SLC22A4: variants seen among roughly 807,000 people sequenced by gnomAD.
SLC22A4 encodes the protein solute carrier family 22 member 4.
SLC22A4 carries 39 observed loss-of-function variants against 56.6 expected under a neutral mutation model. The observed-to-expected ratio is 0.69, with a 90% CI of 0.53 to 0.90. The LOEUF (loss-of-function observed/expected upper bound fraction) is 0.90, where lower values mean the gene tolerates loss of function less well. Among genes scored for constraint, SLC22A4 ranks in the 40% least tolerant of loss-of-function variants. The pLI is 0.00. For synonymous variants in SLC22A4, 241 were observed against 281.4 expected (o/e 0.86, Z 1.44); for missense variants, 594 against 696.5 (o/e 0.85, Z 1.66).
chr5:132,335,990 T>C lies in SLC22A4; in HGVS notation c.1434T>C (p.Phe478=), dbSNP rs1335649376. 1 of 1,614,018 alleles carries C rather than the reference T, an allele frequency of 6.2e-7. No homozygotes were observed. The change falls in exon 8 of 10, where the codon TTT becomes TTC. Residue 478 remains phenylalanine, a synonymous_variant. Transcript: ENST00000200652. Reference sequence around the variant, plus strand: ...TGGGCAGCATCATTGCCCCCTACTTTGTTTACCTCGGTGAGCTGCATCTTG... The same window carrying C: ...TGGGCAGCATCATTGCCCCCTACTTCGTTTACCTCGGTGAGCTGCATCTTG... ...SRVGSIIAPY[F]VYLGAYNRML...
intron 1 of SLC22A4, among the ~76,000 whole-genome samples, chr5:132,304,632 GA>G (rs1749983201): frequency 6.6e-6 from 1 of 152,060 alleles, no homozygotes; most frequent in Non-Finnish European, 1.5e-5. Context: ...AGAAGAAGAA[GA>G]AAGATCAGGG....
intron 4 of SLC22A4, chr5:132,324,646 G>A (rs1179260727): frequency 8.6e-6 from 4 of 464,484 alleles, no homozygotes; most frequent in Non-Finnish European, 1.8e-5. Context: ...CTTGCAGGTG[G>A]GTCTTCCCAA....
chr5:132,308,864 C>A (rs1390828812), intron 1 of SLC22A4, among the ~76,000 whole-genome samples: 1 of 152,144 alleles, frequency 6.6e-6, no homozygotes, highest in East Asian at 1.9e-4. Flanking sequence ...GAAAGCACAC[C>A]CCCAAAGCAA....
chr5:132,336,705 A>G (rs1219810568), intron 8 of SLC22A4, among the ~76,000 whole-genome samples: 1 of 152,222 alleles, frequency 6.6e-6, no homozygotes, highest in Non-Finnish European at 1.5e-5. Context: ...ACATTTTAAA[A>G]TAAGTATATG....
intron 3 of SLC22A4, among the ~76,000 whole-genome samples, chr5:132,319,881 G>A (rs905842643): frequency 3.7e-4 from 57 of 152,290 alleles, no homozygotes; most frequent in Admixed American, 3.5e-3. Flanking sequence ...ATAAGCCACC[G>A]TGCCTGGCCT....
chr5:132,308,924 C>A (rs906928994), intron 1 of SLC22A4, among the ~76,000 whole-genome samples: 2 of 152,196 alleles, frequency 1.3e-5, no homozygotes, highest in African/African-American at 4.8e-5. Flanking sequence ...CTGAGCTGGT[C>A]ATGTGTATGT....
At position 132,342,638 on chromosome 5, in the gene SLC22A4, T is replaced by C. The variant is rs140356326; in HGVS notation, c.1581-1122T>C. Among the ~76,000 whole-genome samples the C allele has an allele frequency of 5.3e-5, 8 of 152,322 alleles. No homozygotes were observed. The East Asian group carries it at 1.5e-3, about 29-fold the overall frequency. On this transcript the variant is annotated intron_variant, in intron 9 of 9. Coordinates refer to ENST00000200652, the MANE Select transcript of SLC22A4 (RefSeq NM_003059.3). ...ATTTCTCTCTGACTTTGCTACCAAG[T>C]CTGGGGTTCCAACAAATCCCCTCCT...
intron 8 of SLC22A4, among the ~76,000 whole-genome samples, chr5:132,336,854 CA>C (rs1406033039): frequency 6.6e-6 from 1 of 151,996 alleles, no homozygotes; most frequent in Non-Finnish European, 1.5e-5. Flanking sequence ...CCAAACAGTT[CA>C]TGTTGGTTTT....
intron 1 of SLC22A4, 157 bp from the exon 2 acceptor site, chr5:132,312,004 C>T: frequency 2.7e-6 from 2 of 729,600 alleles, no homozygotes; most frequent in Non-Finnish European, 5.1e-6. Context: ...CAGTCAAACC[C>T]AGGGCTGCAA....
intron 3 of SLC22A4, among the ~76,000 whole-genome samples, chr5:132,317,888 G>A (rs1205480809): frequency 2.6e-5 from 4 of 152,240 alleles, no homozygotes; most frequent in African/African-American, 9.6e-5. Context: ...TAAACATGAT[G>A]CAGAAATTTG....
chr5:132,300,991 C>G (rs1010741103), intron 1 of SLC22A4, among the ~76,000 whole-genome samples: 8 of 152,220 alleles, frequency 5.3e-5, no homozygotes, highest in Admixed American at 2.6e-4. Flanking sequence ...GCCCTCAGGG[C>G]CAAGACCTCA....
At chr5:132,299,422 T>G (rs952907275) in intron 1 of SLC22A4, among the ~76,000 whole-genome samples, 4 of 150,966 alleles carry the variant, frequency 2.6e-5, no homozygotes, top group African/African-American at 9.8e-5. Context: ...TTATTTTATT[T>G]TATTTTATTT....
chr5:132,299,555 G>A (rs75625117), intron 1 of SLC22A4, among the ~76,000 whole-genome samples: 5 of 151,978 alleles, frequency 3.3e-5, no homozygotes, highest in Admixed American at 2.6e-4. Flanking sequence ...TCAGCCTCCC[G>A]AGTAGCTGGG....
At chr5:132,335,401 C>A (rs1750991165) in intron 7 of SLC22A4, among the ~76,000 whole-genome samples, 1 of 152,094 alleles carries the variant, frequency 6.6e-6, no homozygotes, top group Non-Finnish European at 1.5e-5. Flanking sequence ...CTGACGTTCT[C>A]ATAATATTAA....
At chr5:132,325,379 G>T (rs1162322917) in intron 4 of SLC22A4, among the ~76,000 whole-genome samples, 2 of 152,190 alleles carry the variant, frequency 1.3e-5, no homozygotes, top group Non-Finnish European at 2.9e-5. Flanking sequence ...AGTGGGTGCT[G>T]TCTTAGTACA....
Position 132,310,407 on chromosome 5 carries a change from C to T in SLC22A4, c.394-1754C>T, listed in dbSNP as rs76008642. On this transcript the variant is annotated intron_variant, in intron 1 of 9. Transcript: ENST00000200652. ...GGAGGGAGATGGCCATGAATGCAGGCACACGTCCTGTTTACCACTTCCGGT... is the reference window on the plus strand; with the variant it reads ...GGAGGGAGATGGCCATGAATGCAGGTACACGTCCTGTTTACCACTTCCGGT... 6.1e-3 allele frequency among the ~76,000 whole-genome samples: 934 copies of T among 152,330 alleles called. 5 individuals are homozygous for T. Among genetic ancestry groups the T allele is most frequent in the Middle Eastern group, 0.014 (4 of 294 alleles).
chr5:132,336,418 G>T (rs1383927949), intron 8 of SLC22A4, among the ~76,000 whole-genome samples: 8 of 152,132 alleles, frequency 5.3e-5, no homozygotes, highest in Admixed American at 2.0e-4. Flanking sequence ...CGGCTACTCT[G>T]GAGGCTGAGG....
chr5:132,325,047 T>C (rs2126726055), intron 4 of SLC22A4, among the ~76,000 whole-genome samples: 1 of 152,216 alleles, frequency 6.6e-6, no homozygotes, highest in African/African-American at 2.4e-5. Context: ...AGTATGTGTA[T>C]AGGCGGTGGG....
In SLC22A4 at chr5:132,308,372, ATTTTTTTTTTTTTTTTT is replaced by A. The variant is rs56259514; in HGVS notation, c.394-3768_394-3752del. 2.5e-3 allele frequency among the ~76,000 whole-genome samples: 152 copies of A among 61,326 alleles called. 3 individuals are homozygous for A. Among genetic ancestry groups the A allele is most frequent in the African/African-American group, 6.3e-3 (84 of 13,308 alleles). The allele number at this position is 61,326 out of a possible 152,430, so 40.2% of individuals were successfully genotyped here. The stretch of plus-strand genomic sequence containing the variant: ...TGTCAGTTGAATCAATGATTAAGCA[ATTTTTTTTTTTTTTTTT>A]TTTTTTTTTTTTTTTTTTTTACCAA... On this transcript the variant is annotated intron_variant, in intron 1 of 9. Transcript: ENST00000200652.
Sources: gnomAD v4.1 joint callset for allele counts (sites outside exome capture counted in the v4.1 genomes callset) on GRCh38, gnomAD v4.1.1 for gene constraint, MANE v1.5 for transcripts, NCBI Gene and HGNC (gene_info 2026-07-23, HGNC 2026-07-21) for gene names.